Variants in FRMPD2 observed in about 807,000 individuals in gnomAD.
The protein encoded by FRMPD2 is FERM and PDZ domain-containing protein 2.
A neutral mutation model predicts 140.1 loss-of-function variants in FRMPD2; 96 were observed. The observed-to-expected ratio is 0.69, with a 90% confidence interval of 0.58 to 0.81. The LOEUF (loss-of-function observed/expected upper bound fraction) is 0.81. FRMPD2 is among the 40% of genes least tolerant of loss of function. The probability of loss-of-function intolerance (pLI) is 0.00; values close to 1 mark genes in which losing one functional copy is unlikely to be tolerated. For synonymous variants in FRMPD2, 449 were observed against 547.6 expected (o/e 0.82, Z 2.52); for missense variants, 1,240 against 1,447.4 (o/e 0.86, Z 2.32).
intron 16 of FRMPD2, among the ~76,000 whole-genome samples, chr10:48,191,951 G>A (rs1838838961): frequency 6.6e-6 from 1 of 152,118 alleles, no homozygotes; most frequent in Non-Finnish European, 1.5e-5. Context: ...CTAACCCCTG[G>A]GTTTCCTCTC....
chr10:48,241,248 C>A (rs1328568245), intron 5 of FRMPD2, among the ~76,000 whole-genome samples: 1 of 152,204 alleles, frequency 6.6e-6, no homozygotes, highest in Non-Finnish European at 1.5e-5. Flanking sequence ...GCTGTCCCCA[C>A]ATCTCCATCC....
At chr10:48,171,577 G>A (rs1203672748) in intron 25 of FRMPD2, among the ~76,000 whole-genome samples, 149 of 152,382 alleles carry the variant, frequency 9.8e-4, no homozygotes, top group African/African-American at 3.3e-3. Flanking sequence ...ACTTCAACAT[G>A]TCATCAATAT....
At chr10:48,193,143 C>T (rs1046808883) in intron 15 of FRMPD2, among the ~76,000 whole-genome samples, 3 of 152,218 alleles carry the variant, frequency 2.0e-5, no homozygotes, top group Admixed American at 6.5e-5. Context: ...GCTGACAGGA[C>T]GCAGAGCCAA....
At chr10:48,231,161 T>C (rs1839839583) in intron 10 of FRMPD2, among the ~76,000 whole-genome samples, 1 of 152,234 alleles carries the variant, frequency 6.6e-6, no homozygotes, top group Non-Finnish European at 1.5e-5. Context: ...CCAGCAGTGA[T>C]GCTTTCAGAG....
At chr10:48,232,578 G>A (rs113937640) in intron 9 of FRMPD2, among the ~76,000 whole-genome samples, 4 of 152,122 alleles carry the variant, frequency 2.6e-5, no homozygotes, top group African/African-American at 4.8e-5. Flanking sequence ...TCTGACTGAC[G>A]TCTTTCCCAT....
chr10:48,243,642 C>T (rs1840177342), intron 4 of FRMPD2, among the ~76,000 whole-genome samples: 1 of 152,170 alleles, frequency 6.6e-6, no homozygotes, highest in Non-Finnish European at 1.5e-5. Flanking sequence ...ATCCTAGGCT[C>T]CAGGTGTGTC....
intron 22 of FRMPD2, among the ~76,000 whole-genome samples, chr10:48,177,105 C>T (rs1235399977): frequency 6.9e-6 from 1 of 145,554 alleles, no homozygotes; most frequent in African/African-American, 2.6e-5. Context: ...GGTAATGGAT[C>T]ACTTTTTTTT....
chr10:48,228,792 T>C (rs1018361516), intron 10 of FRMPD2, among the ~76,000 whole-genome samples: 25 of 152,030 alleles, frequency 1.6e-4, no homozygotes, highest in African/African-American at 5.5e-4. Context: ...TTTTTATTTG[T>C]TGTCGTTTAA....
intron 12 of FRMPD2, among the ~76,000 whole-genome samples, chr10:48,221,258 A>T (rs1019521741): frequency 6.6e-6 from 1 of 152,228 alleles, no homozygotes; most frequent in East Asian, 1.9e-4. Context: ...CTCATTCCAT[A>T]AAAAGGAATG....
intron 4 of FRMPD2, among the ~76,000 whole-genome samples, chr10:48,243,993 T>C (rs1388571952): frequency 6.6e-6 from 1 of 152,244 alleles, no homozygotes; most frequent in African/African-American, 2.4e-5. Context: ...TAGTTCTTTT[T>C]TGAGACAGGG....
Position 48,232,281 on chromosome 10 carries a change from T to G in FRMPD2, c.1002A>C (p.Lys334Asn). The G allele has an allele frequency of 6.2e-7, 1 of 1,607,130 alleles. No individual in the cohort carries two copies. Reference sequence around the variant, plus strand: ...CCCTGAGAGCCAAATAGGATTTCCCTTTTTTGGTCTGAAAACAACAACAGT... The same window carrying G: ...CCCTGAGAGCCAAATAGGATTTCCCGTTTTTGGTCTGAAAACAACAACAGT... ...LHLPGSVVTKKGKSYLALRDL... is the reference protein window; with the variant it reads ...LHLPGSVVTKNGKSYLALRDL... The change falls in exon 10 of 29, where the codon AAA becomes AAC. Residue 334 changes from lysine to asparagine, a missense_variant. Physicochemically the swap from Lys to Asn is moderately conservative, Grantham distance 94 (BLOSUM62 0). Around this residue, in one of 6 missense-constraint regions of FRMPD2, gnomAD observed 1,161 missense variants for 1,055.9 expected, o/e 1.10. Coordinates refer to ENST00000374201, the MANE Select transcript of FRMPD2 (RefSeq NM_001018071.4).
intron 1 of FRMPD2, among the ~76,000 whole-genome samples, chr10:48,270,577 A>G (rs1881733): frequency 0.21 from 31,452 of 152,058 alleles, 8,096 homozygotes; most frequent in African/African-American, 0.61. Flanking sequence ...GTTACCAACC[A>G]TCAGTCCATC....
At chr10:48,173,408 T>C (rs1242765469) in intron 24 of FRMPD2, among the ~76,000 whole-genome samples, 5 of 151,646 alleles carry the variant, frequency 3.3e-5, no homozygotes, top group South Asian at 4.2e-4. Context: ...CACCCCACCA[T>C]TAACCTGCCA....
At chr10:48,254,801 G>A (rs913346543) in intron 1 of FRMPD2, among the ~76,000 whole-genome samples, 4 of 152,216 alleles carry the variant, frequency 2.6e-5, no homozygotes, top group Non-Finnish European at 4.4e-5. Context: ...TTGGGTTTAC[G>A]CTCTTGGTCT....
chr10:48,226,789 G>GTCTT, intron 10 of FRMPD2, among the ~76,000 whole-genome samples: 1 of 152,340 alleles, frequency 6.6e-6, no homozygotes, highest in South Asian at 2.1e-4. Flanking sequence ...ATTTGGTGGA[G>GTCTT]TCTTCATCTT....
intron 28 of FRMPD2, among the ~76,000 whole-genome samples, chr10:48,163,078 TG>T (rs1375280639): frequency 2.9e-5 from 4 of 137,344 alleles, no homozygotes; most frequent in African/African-American, 1.1e-4. Context: ...ACCTGAGGCC[TG>T]CCACCTATAG....
intron 12 of FRMPD2, among the ~76,000 whole-genome samples, chr10:48,217,720 C>T (rs1839483988): frequency 1.3e-5 from 2 of 152,142 alleles, no homozygotes; most frequent in Admixed American, 6.5e-5. Context: ...AATTTTACAA[C>T]CCACTGTTCT....
intron 1 of FRMPD2, among the ~76,000 whole-genome samples, chr10:48,258,261 C>T (rs1202816754): frequency 6.6e-6 from 1 of 152,202 alleles, no homozygotes; most frequent in Non-Finnish European, 1.5e-5. Flanking sequence ...TCTGCTAGGC[C>T]CTAGTTAAAG....
intron 9 of FRMPD2, 28 bp from the exon 10 acceptor site, chr10:48,232,317 C>T (rs1215716239): frequency 3.2e-6 from 5 of 1,546,096 alleles, no homozygotes; most frequent in Non-Finnish European, 4.4e-6. Context: ...ATCAATTATA[C>T]TACAATTATA....
Sources: gnomAD v4.1 joint callset for allele counts (sites outside exome capture counted in the v4.1 genomes callset) on GRCh38, gnomAD v4.1.1 for gene constraint, gnomAD v4.1.1 regional missense constraint, MANE v1.5 for transcripts, NCBI Gene and HGNC (gene_info 2026-07-23, HGNC 2026-07-21) for gene names.